ZNF337: variants seen among roughly 807,000 people sequenced by gnomAD.
The protein encoded by ZNF337 is zinc finger protein 337.
A neutral mutation model predicts 12.1 loss-of-function variants in ZNF337; 8 were observed. The ratio of observed to expected loss-of-function variants is 0.66; its 90% CI spans 0.39 to 1.19. The LOEUF is 1.19. Among genes scored for constraint, ZNF337 ranks in the 50% most tolerant of loss-of-function variants. The probability of loss-of-function intolerance (pLI) is 0.01; values close to 1 mark genes in which losing one functional copy is unlikely to be tolerated. For synonymous variants in ZNF337, 336 were observed against 320.0 expected, an observed-to-expected ratio of 1.05 and a Z score of -0.53; for missense variants, 882 against 896.6, an observed-to-expected ratio of 0.98 and a Z score of 0.21.
Position 25,675,557 on chromosome 20 carries a change from G to T in ZNF337, c.1731C>A (p.Cys577Ter). ...SGERPFNCKDCGRGFILKSTL... is the reference protein window; with the variant it reads ...SGERPFNCKD The stretch of plus-strand genomic sequence containing the variant: ...TTGATTTTAGGATGAAGCCTCGCCC[G>T]CAATCCTTGCAATTAAATGGCCTTT... Residue 577 changes from cysteine (C) to a stop codon, truncating the protein, a stop_gained, in exon 5 of 5, where the codon TGC becomes TGA. Transcript: ENST00000252979. LOFTEE classifies it low-confidence loss of function (END_TRUNC). The T allele has an allele frequency of 6.2e-7, 1 of 1,610,734 alleles. No homozygotes were observed. The highest frequency in any genetic ancestry group is 8.5e-7 in the Non-Finnish European group (1 of 1,178,736).
chr20:25,693,535 AT>A (rs1403944681), intron 1 of ZNF337, among the ~76,000 whole-genome samples: 1 of 152,192 alleles, frequency 6.6e-6, no homozygotes, highest in African/African-American at 2.4e-5. Context: ...TGACTGAATA[AT>A]TTTTTACAAG....
chr20:25,693,305 G>T (rs1021313704), intron 1 of ZNF337, among the ~76,000 whole-genome samples: 2 of 150,324 alleles, frequency 1.3e-5, no homozygotes, highest in African/African-American at 2.4e-5. Flanking sequence ...TCGAACTCCT[G>T]GCCTCAGGTA....
At chr20:25,693,221 C>T (rs938855978) in intron 1 of ZNF337, among the ~76,000 whole-genome samples, 2 of 152,148 alleles carry the variant, frequency 1.3e-5, no homozygotes, top group Non-Finnish European at 2.9e-5. Flanking sequence ...GGATTACAGG[C>T]GTGAGCCACC....
In ZNF337 at chr20:25,673,414, T is replaced by G. The variant is rs2065638417; in HGVS notation, c.*1618A>C. Reference sequence around the variant, plus strand: ...GGGCACATGCTCATTAAGCTGGCCTTAATTGTGAAGGTTCTGTGGTAATGA... The same window carrying G: ...GGGCACATGCTCATTAAGCTGGCCTGAATTGTGAAGGTTCTGTGGTAATGA... On this transcript the variant is annotated 3_prime_UTR_variant, in exon 5 of 5. Coordinates refer to ENST00000252979, the MANE Select transcript of ZNF337 (RefSeq NM_015655.4). Among the ~76,000 whole-genome samples the G allele has an allele frequency of 6.6e-6, 1 of 152,204 alleles. No individual in the cohort carries two copies. Among genetic ancestry groups the G allele is most frequent in the Admixed American group, 6.5e-5 (1 of 15,282 alleles).
At chr20:25,678,539 AG>A (rs986773636) in intron 4 of ZNF337, among the ~76,000 whole-genome samples, 2 of 152,190 alleles carry the variant, frequency 1.3e-5, no homozygotes, top group African/African-American at 4.8e-5. Context: ...GGAACCAAAA[AG>A]ACCTCCAATA....
intron 4 of ZNF337, among the ~76,000 whole-genome samples, chr20:25,678,291 T>C (rs1264088073): frequency 6.6e-6 from 1 of 152,136 alleles, no homozygotes; most frequent in Non-Finnish European, 1.5e-5. Context: ...CCATTTATAA[T>C]TGGTACAAAA....
In ZNF337 at chr20:25,675,923, T is replaced by TTCCAAAAAAAAAAAAA. The variant is rs1174440836; in HGVS notation, c.1364_1365insTTTTTTTTTTTTTGGA (p.Glu456PhefsTer50). 1 of 1,613,812 alleles carries TTCCAAAAAAAAAAAAA rather than the reference T, an allele frequency of 6.2e-7. No individual in the cohort carries two copies. Among genetic ancestry groups the TTCCAAAAAAAAAAAAA allele is most frequent in the Non-Finnish European group, 8.5e-7 (1 of 1,179,980 alleles). ...CCTTGCACACAAAAGGCTTCTCCTC[T>TTCCAAAAAAAAAAAAA]GAGTGTGTGATCTGATGTTTCACAA... On this transcript the variant is annotated frameshift_variant, in exon 5 of 5. Transcript: ENST00000252979. LOFTEE classifies it low-confidence loss of function (END_TRUNC).
chr20:25,681,686 TGA>T (rs2065770144), intron 4 of ZNF337, among the ~76,000 whole-genome samples: 1 of 151,970 alleles, frequency 6.6e-6, no homozygotes, highest in South Asian at 2.1e-4. Context: ...ACTTCTGGGG[TGA>T]GAGTAATTCT....
intron 4 of ZNF337, among the ~76,000 whole-genome samples, chr20:25,680,580 T>C (rs1187912466): frequency 2.6e-5 from 4 of 152,206 alleles, no homozygotes; most frequent in Non-Finnish European, 5.9e-5. Flanking sequence ...GTACTGCTGG[T>C]ACTATGACAG....
chr20:25,678,527 A>T (rs2065733030), intron 4 of ZNF337, among the ~76,000 whole-genome samples: 2 of 152,180 alleles, frequency 1.3e-5, no homozygotes, highest in African/African-American at 4.8e-5. Context: ...TAGAATTCAT[A>T]AGGAACCAAA....
In ZNF337 at chr20:25,675,815, C is replaced by G; in HGVS notation, c.1473G>C (p.Arg491=). The G allele has an allele frequency of 1.2e-6, 2 of 1,613,762 alleles. No homozygotes were observed. The highest frequency in any genetic ancestry group is 1.7e-6 in the Non-Finnish European group (2 of 1,179,930). The change falls in exon 5 of 5, where the codon CGG becomes CGC. Residue 491 remains arginine, a synonymous_variant. Transcript: ENST00000252979. ...THSEEKPYGC[R]ECGRRFRDKS... Reference sequence around the variant, plus strand: ...TATCCCGAAACCTTCGCCCACACTCCCGACATCCATAAGGCTTCTCCTCTG... The same window carrying G: ...TATCCCGAAACCTTCGCCCACACTCGCGACATCCATAAGGCTTCTCCTCTG...
intron 1 of ZNF337, among the ~76,000 whole-genome samples, chr20:25,692,706 G>A (rs984294920): frequency 6.6e-6 from 1 of 152,164 alleles, no homozygotes; most frequent in African/African-American, 2.4e-5. Flanking sequence ...GTTGCCATCT[G>A]TGGGAGTTAA....
chr20:25,686,735 G>C, intron 1 of ZNF337: 1 of 413,186 alleles, frequency 2.4e-6, no homozygotes, highest in Non-Finnish European at 4.4e-6. Flanking sequence ...CTGCAGATGA[G>C]GTCTTGCATT....
In ZNF337 at chr20:25,673,418, T is replaced by C. The variant is rs1487817700; in HGVS notation, c.*1614A>G. Among the ~76,000 whole-genome samples, 8 of 152,188 alleles carry C rather than the reference T, an allele frequency of 5.3e-5. No homozygotes were observed. The highest frequency in any genetic ancestry group is 5.2e-4 in the Admixed American group (8 of 15,274). On this transcript the variant is annotated 3_prime_UTR_variant, in exon 5 of 5. Transcript: ENST00000252979. ...ACATGCTCATTAAGCTGGCCTTAAT[T>C]GTGAAGGTTCTGTGGTAATGAATGG... is the stretch of plus-strand genomic sequence containing the variant.
At chr20:25,686,557 T>C in intron 1 of ZNF337, 91 bp from the exon 2 acceptor site, 1 of 978,708 alleles carries the variant, frequency 1.0e-6, no homozygotes, top group Admixed American at 2.4e-5. Context: ...ACTGGGGATC[T>C]GGGGAGGGCG....
intron 4 of ZNF337, among the ~76,000 whole-genome samples, chr20:25,685,296 G>A (rs995698812): frequency 4.6e-5 from 7 of 152,124 alleles, no homozygotes; most frequent in African/African-American, 7.2e-5. Context: ...GCTTGCAGTC[G>A]GGCAGTCACG....
intron 4 of ZNF337, among the ~76,000 whole-genome samples, chr20:25,679,775 C>T (rs544178445): frequency 6.6e-4 from 101 of 152,098 alleles, no homozygotes; most frequent in Admixed American, 1.7e-3. Flanking sequence ...AATAGAACTA[C>T]GATACAATCC....
chr20:25,686,338 A>G (rs1440453576), intron 2 of ZNF337, 53 bp downstream of exon 2: 1 of 1,545,416 alleles, frequency 6.5e-7, no homozygotes, highest in African/African-American at 1.4e-5. Context: ...GGGCCAGTGA[A>G]GGAAATGGGC....
intron 1 of ZNF337, among the ~76,000 whole-genome samples, chr20:25,688,214 A>G (rs1405857968): frequency 1.3e-5 from 2 of 152,212 alleles, no homozygotes; most frequent in East Asian, 3.8e-4. Flanking sequence ...ATGGTAGTAT[A>G]AATATGTATT....
Sources: gnomAD v4.1 joint callset for allele counts (sites outside exome capture counted in the v4.1 genomes callset) on GRCh38, gnomAD v4.1.1 for gene constraint, MANE v1.5 for transcripts, NCBI Gene and HGNC (gene_info 2026-07-23, HGNC 2026-07-21) for gene names.